The following FBN3 variants were observed in gnomAD, a reference collection of about 807,000 sequenced individuals.
FBN3 encodes the protein fibrillin 3, also known as fibrillin-3.
A neutral mutation model predicts 330.1 loss-of-function variants in FBN3; 234 were observed. That is an observed-to-expected ratio of 0.71 (90% CI 0.64 to 0.79). FBN3 has a LOEUF of 0.79. Ranked by LOEUF, FBN3 falls within the 30% of genes least tolerant of loss-of-function variation. The pLI is 0.00. For synonymous variants in FBN3, 1,458 were observed against 1,517.3 expected (o/e 0.96, Z 0.91); for missense variants, 3,606 against 3,886.9 (o/e 0.93, Z 1.92).
intron 47 of FBN3, among the ~76,000 whole-genome samples, chr19:8,093,153 A>G (rs1047826982): frequency 3.3e-5 from 5 of 152,164 alleles, no homozygotes; most frequent in Non-Finnish European, 5.9e-5. Flanking sequence ...CCTACACCGG[A>G]CAGGGTTAAC....
intron 63 of FBN3, among the ~76,000 whole-genome samples, chr19:8,071,658 A>G (rs1375798147): frequency 6.6e-6 from 1 of 152,122 alleles, no homozygotes; most frequent in Non-Finnish European, 1.5e-5. Flanking sequence ...GCCTTCACCA[A>G]CCAGGAGGTG....
At chr19:8,112,555 C>T (rs981079844) in intron 30 of FBN3, among the ~76,000 whole-genome samples, 5 of 152,178 alleles carry the variant, frequency 3.3e-5, no homozygotes, top group Non-Finnish European at 7.3e-5. Flanking sequence ...GACGCTGAGG[C>T]AGGAGAATGG....
intron 48 of FBN3, 97 bp from the exon 49 acceptor site, chr19:8,090,348 T>A: frequency 7.2e-7 from 1 of 1,391,122 alleles, no homozygotes; most frequent in Non-Finnish European, 9.9e-7. Flanking sequence ...GAATGGGTTG[T>A]GCTGATCCTG....
intron 22 of FBN3, among the ~76,000 whole-genome samples, chr19:8,124,506 G>A (rs547571616): frequency 6.7e-6 from 1 of 149,550 alleles, no homozygotes; most frequent in Non-Finnish European, 1.5e-5. Flanking sequence ...CCAAAGTGCT[G>A]GGATTACAGG....
chr19:8,120,022 T>C (rs1432825138), intron 25 of FBN3, among the ~76,000 whole-genome samples: 3 of 151,540 alleles, frequency 2.0e-5, no homozygotes, highest in South Asian at 2.1e-4. Flanking sequence ...GGCCTCTCTA[T>C]GTTGACCAAG....
At chr19:8,135,936 G>GGGGGGGGGGGGGCCGCCCCCCCCCC in intron 13 of FBN3, 25 bp downstream of exon 13, 1 of 668,778 alleles carries the variant, frequency 1.5e-6, no homozygotes, top group Non-Finnish European at 2.4e-6. Flanking sequence ...GGAAGCCCCT[G>GGGGGGGGGGGGGCCGCCCCCCCCCC]CCCACCCGCC....
In FBN3 at chr19:8,090,125, C is replaced by T. The variant is rs1336564848; in HGVS notation, c.6158G>A (p.Cys2053Tyr). 1.9e-6 allele frequency: 3 copies of T among 1,613,810 alleles called. No individual in the cohort carries two copies. The highest frequency in any genetic ancestry group is 2.2e-5 in the East Asian group (1 of 44,868). Residue 2053 changes from cysteine to tyrosine, a missense_variant, in exon 49 of 64, where the codon TGC (cysteine) becomes TAC (tyrosine). Coordinates refer to ENST00000600128, the MANE Select transcript of FBN3 (RefSeq NM_032447.5). ...GCTGCCCTCCTGGGGACACAGTTCG[C>T]AGGGGTCTCCCCAGCCCTCCCCAGG... Reference protein sequence around the residue: ...KRPGEGWGDPCELCPQEGSAA... With the variant: ...KRPGEGWGDPYELCPQEGSAA...
At chr19:8,069,641 A>C (rs4804258) in intron 63 of FBN3, among the ~76,000 whole-genome samples, 1 of 152,046 alleles carries the variant, frequency 6.6e-6, no homozygotes, top group Admixed American at 6.5e-5. Flanking sequence ...GCTGGAGTGC[A>C]GAGGTGTGAT....
In FBN3 at chr19:8,121,758, TA is replaced by T. The variant is rs1399375479; in HGVS notation, c.3083-373del. The stretch of plus-strand genomic sequence containing the variant: ...TATTTTTATTACTTATTTATTTATT[TA>T]CTTTTTTAGAGACAGAGTCTTGCTC... On this transcript the variant is annotated intron_variant, in intron 24 of 63. Transcript: ENST00000600128. The surrounding 1 kb of genome is among the most constrained non-coding windows in gnomAD (Gnocchi z 4.5). Among the ~76,000 whole-genome samples the T allele has an allele frequency of 8.0e-5, 12 of 150,606 alleles. No homozygotes were observed. Among genetic ancestry groups the T allele is most frequent in the Admixed American group, 2.0e-4 (3 of 15,146 alleles).
At chr19:8,108,374 T>C (rs190707067) in intron 36 of FBN3, 136 bp from the exon 37 acceptor site, 2 of 653,590 alleles carry the variant, frequency 3.1e-6, no homozygotes, top group African/African-American at 1.8e-5. Flanking sequence ...GACATCCCCA[T>C]ATCTCTTTAG....
chr19:8,135,936 G>GGGGGGGGGGGGGGGGGCGCCCCCCCCCCC, intron 13 of FBN3, 25 bp downstream of exon 13: 4 of 668,774 alleles, frequency 6.0e-6, no homozygotes, highest in Non-Finnish European at 4.8e-6. Context: ...GGAAGCCCCT[G>GGGGGGGGGGGGGGGGGCGCCCCCCCCCCC]CCCACCCGCC....
Position 8,066,122 on chromosome 19 carries a change from GGACGAT to G in FBN3, c.8221_8226del (p.Ile2741_Val2742del). 6.2e-7 allele frequency: 1 copy of G among 1,613,548 alleles called. No individual in the cohort carries two copies. Among genetic ancestry groups the G allele is most frequent in the Non-Finnish European group, 8.5e-7 (1 of 1,179,974 alleles). On this transcript the variant is annotated inframe_deletion, in exon 64 of 64. Transcript: ENST00000600128. The stretch of plus-strand genomic sequence containing the variant: ...CGAAAGAAACCTTGCTCGTTTCCGC[GGACGAT>G]GACGTAGCGGATCCGGCCCTCTAGA...
chr19:8,126,901 C>T (rs1172620149), intron 18 of FBN3, 69 bp from the exon 19 acceptor site: 12 of 1,496,748 alleles, frequency 8.0e-6, no homozygotes, highest in Admixed American at 2.3e-5. Context: ...AGGACCCCTC[C>T]TCCCCAAGGG....
chr19:8,111,212 G>C (rs765548274), intron 32 of FBN3, 29 bp from the exon 33 acceptor site: 2 of 1,564,680 alleles, frequency 1.3e-6, no homozygotes, highest in Non-Finnish European at 1.7e-6. Flanking sequence ...CGGAGGGCTG[G>C]AGGCCGGTGG....
chr19:8,126,167 T>C, intron 21 of FBN3, 130 bp downstream of exon 21: 3 of 1,411,926 alleles, frequency 2.1e-6, no homozygotes, highest in South Asian at 2.4e-5. Context: ...GGGGACCAGG[T>C]AGGGAGAACG....
In FBN3 at chr19:8,129,474, G is replaced by C; in HGVS notation, c.2045-109C>G. The C allele has an allele frequency of 6.9e-7, 1 of 1,451,740 alleles. No homozygotes were observed. Among genetic ancestry groups the C allele is most frequent in the South Asian group, 1.3e-5 (1 of 76,968 alleles). The allele number at this position is 1,451,740 out of a possible 1,614,324, so 89.9% of individuals were successfully genotyped here. A position where few individuals can be genotyped will look rare whatever the true frequency, so the allele number is the denominator to read the frequency against. On this transcript the variant is annotated intron_variant, in intron 16 of 63. Transcript: ENST00000600128. This position sits in a 1 kb window ranked among gnomAD's most constrained non-coding sequence, Gnocchi z 4.5. Reference sequence around the variant, plus strand: ...GGTCTCTAGAAGTCAGATTCCCCAAGGCCATAGCTCCAGCCCAGACCCGGC... The same window carrying C: ...GGTCTCTAGAAGTCAGATTCCCCAACGCCATAGCTCCAGCCCAGACCCGGC...
At position 8,072,167 on chromosome 19, in the gene FBN3, C is replaced by T. The variant is rs764973789; in HGVS notation, c.7969G>A (p.Gly2657Arg). The T allele has an allele frequency of 2.9e-5, 46 of 1,584,716 alleles. No homozygotes were observed. Among genetic ancestry groups the T allele is most frequent in the East Asian group, 9.1e-5 (4 of 43,914 alleles). Residue 2657 changes from glycine (G) to arginine (R), a missense_variant, in exon 63 of 64, where the codon GGA (glycine) becomes AGA (arginine). Coordinates refer to ENST00000600128, the MANE Select transcript of FBN3 (RefSeq NM_032447.5). ...TCTTTGTCCGGGGTGTCCTGGGGTC[C>T]GGGGCTGAAGCCCAGGCCGGAGACA... ...HCVSGLGFSP[G>R]PQDTPDKEEL...
chr19:8,081,180 C>T, intron 58 of FBN3, 61 bp from the exon 59 acceptor site: 1 of 1,536,862 alleles, frequency 6.5e-7, no homozygotes. Flanking sequence ...AGGGGCTTCC[C>T]AGGGGCTGCC....
At chr19:8,097,192 TGGAG>T in intron 42 of FBN3, 93 bp downstream of exon 42, 3 of 1,505,240 alleles carry the variant, frequency 2.0e-6, no homozygotes, top group Non-Finnish European at 2.7e-6. Flanking sequence ...TACAGGGAAA[TGGAG>T]GCTTACAGAG....
Sources: allele counts gnomAD v4.1 joint callset (sites outside exome capture counted in the v4.1 genomes callset), GRCh38; gene constraint gnomAD v4.1.1; non-coding constraint Gnocchi (gnomAD v3.1); transcripts MANE v1.5; gene names NCBI Gene and HGNC (gene_info 2026-07-23, HGNC 2026-07-21).